The following KCNH7 variants were observed in gnomAD, a reference collection of about 807,000 sequenced individuals.
The protein encoded by KCNH7 is voltage-gated inwardly rectifying potassium channel KCNH7.
A neutral mutation model predicts 120.8 loss-of-function variants in KCNH7; 49 were observed. The observed-to-expected ratio is 0.41, with a 90% CI of 0.32 to 0.51. The LOEUF (loss-of-function observed/expected upper bound fraction) is 0.51. Ranked by LOEUF, KCNH7 falls within the 20% of genes least tolerant of loss-of-function variation. The pLI is 0.38. For missense variants in KCNH7, 1,097 were observed against 1,446.6 expected (o/e 0.76, Z 3.92); for synonymous variants, 547 against 516.1 (o/e 1.06, Z -0.81).
At chr2:162,688,732 C>CTTTTTTTTTTTTTTTTT (rs71410027) in intron 2 of KCNH7, among the ~76,000 whole-genome samples, 3 of 137,792 alleles carry the variant, frequency 2.2e-5, no homozygotes, top group Non-Finnish European at 3.2e-5. Flanking sequence ...TGCCCCCATT[C>CTTTTTTTTTTTTTTTTT]TTTTTTTTTT....
rs573002018 is a variant in KCNH7, at chr2:162,660,955, TAAC to T, written c.308-123878_308-123876del. ...CTATACCACGCTTCCCAGTGATTGT[TAAC>T]AACAAGTTCTGTACAATAAGATAGC... On this transcript the variant is annotated intron_variant, in intron 2 of 15. Coordinates refer to ENST00000332142, the MANE Select transcript of KCNH7 (RefSeq NM_033272.4). Among the ~76,000 whole-genome samples, 73 of 152,336 alleles carry T rather than the reference TAAC, an allele frequency of 4.8e-4. 1 individual carries two copies. The highest frequency in any genetic ancestry group is 4.2e-3 in the East Asian group (22 of 5,184).
intron 2 of KCNH7, among the ~76,000 whole-genome samples, chr2:162,807,268 A>AC (rs1310650719): frequency 4.3e-5 from 6 of 138,212 alleles, no homozygotes; most frequent in South Asian, 2.9e-4. Context: ...AAAAAAAAAA[A>AC]AAAAAAAAAA....
intron 2 of KCNH7, among the ~76,000 whole-genome samples, chr2:162,835,868 C>G (rs1333318813): frequency 1.3e-5 from 2 of 152,082 alleles, no homozygotes; most frequent in Non-Finnish European, 2.9e-5. Flanking sequence ...GTTTAAGATG[C>G]CAGATTTGCT....
chr2:162,423,247 T>C (rs1368866406), intron 9 of KCNH7, 89 bp downstream of exon 9: 23 of 1,605,074 alleles, frequency 1.4e-5, no homozygotes, highest in Non-Finnish European at 2.0e-5. Flanking sequence ...AAGCAAGGGG[T>C]TCAAAGCTGG....
chr2:162,465,029 T>C lies in KCNH7; in HGVS notation c.1129-18586A>G, dbSNP rs142922873. Among the ~76,000 whole-genome samples the C allele has an allele frequency of 2.0e-3, 297 of 152,236 alleles. 1 individual carries two copies. The highest frequency in any genetic ancestry group is 6.7e-3 in the African/African-American group (277 of 41,558). The stretch of plus-strand genomic sequence containing the variant: ...ATCATTTCATAAAAGAATATGGAGA[T>C]AAAACATCAGAAAGGGGAAAGTCTA... On this transcript the variant is annotated intron_variant, in intron 6 of 15. Transcript: ENST00000332142.
intron 3 of KCNH7, among the ~76,000 whole-genome samples, chr2:162,519,466 T>C (rs1004556565): frequency 6.6e-6 from 1 of 151,886 alleles, no homozygotes; most frequent in Non-Finnish European, 1.5e-5. Context: ...AAACTTTTAA[T>C]GTTGACTAGC....
At chr2:162,607,140 G>A (rs1419704150) in intron 2 of KCNH7, among the ~76,000 whole-genome samples, 1 of 151,412 alleles carries the variant, frequency 6.6e-6, no homozygotes, top group East Asian at 1.9e-4. Flanking sequence ...ACTCTGGGAG[G>A]CCGAGGAGGG....
chr2:162,826,260 G>A (rs907921719), intron 2 of KCNH7, among the ~76,000 whole-genome samples: 2 of 152,236 alleles, frequency 1.3e-5, no homozygotes, highest in South Asian at 2.1e-4. Flanking sequence ...TTTGTCATGT[G>A]TATTTAACTG....
chr2:162,820,762 T>C (rs935430768), intron 2 of KCNH7, among the ~76,000 whole-genome samples: 1 of 152,196 alleles, frequency 6.6e-6, no homozygotes, highest in Admixed American at 6.5e-5. Flanking sequence ...GCTATATCAC[T>C]TTCCTTTAAC....
chr2:162,664,603 A>T (rs1368583893), intron 2 of KCNH7, among the ~76,000 whole-genome samples: 1 of 152,158 alleles, frequency 6.6e-6, no homozygotes, highest in Non-Finnish European at 1.5e-5. Flanking sequence ...CTTGGTGAGA[A>T]GAGGAAGGAG....
At chr2:162,668,534 C>A (rs1037362545) in intron 2 of KCNH7, among the ~76,000 whole-genome samples, 1 of 152,092 alleles carries the variant, frequency 6.6e-6, no homozygotes, top group East Asian at 1.9e-4. Context: ...ATGCCAAATA[C>A]AGAACAAAAG....
chr2:162,384,656 G>A (rs1326900988), intron 13 of KCNH7, 32 bp downstream of exon 13: 2 of 1,606,202 alleles, frequency 1.2e-6, no homozygotes, highest in Non-Finnish European at 1.7e-6. Flanking sequence ...TAGCACTGAA[G>A]AGAGACCACC....
chr2:162,460,222 G>A (rs1250931519), intron 6 of KCNH7, among the ~76,000 whole-genome samples: 1 of 152,004 alleles, frequency 6.6e-6, no homozygotes, highest in African/African-American at 2.4e-5. Context: ...TGGGAGGAAT[G>A]CTTCTGTGGG....
intron 6 of KCNH7, 146 bp downstream of exon 6, chr2:162,504,297 G>C: frequency 1.6e-6 from 1 of 635,028 alleles, no homozygotes; most frequent in Non-Finnish European, 2.8e-6. Context: ...ATATTAGAGA[G>C]TTACCCAACA....
intron 8 of KCNH7, among the ~76,000 whole-genome samples, chr2:162,432,716 G>GA (rs1301649543): frequency 6.6e-6 from 1 of 151,978 alleles, no homozygotes. Context: ...TCATGAATGG[G>GA]AAAAAACTGG....
rs11900789 is a variant in KCNH7, at chr2:162,409,116, G to T, written c.2155-8675C>A. On this transcript the variant is annotated intron_variant, in intron 9 of 15. Transcript: ENST00000332142. ...AATGCTGAAAATGAAAAGAACAGTA[G>T]CAAGCTAGCTTAAATACATCTAAGG... Among the ~76,000 whole-genome samples the T allele has an allele frequency of 6.9e-3, 1,041 of 151,702 alleles. 8 individuals carry two copies. The highest frequency in any genetic ancestry group is 0.024 in the African/African-American group (1,002 of 41,472).
intron 9 of KCNH7, among the ~76,000 whole-genome samples, chr2:162,403,880 A>G (rs1363370788): frequency 6.6e-6 from 1 of 151,994 alleles, no homozygotes; most frequent in Non-Finnish European, 1.5e-5. Flanking sequence ...GAGAGTTAAG[A>G]GTGGGAGCTA....
Position 162,569,408 on chromosome 2 carries a change from A to T in KCNH7, c.308-32328T>A, listed in dbSNP as rs1303566920. ...TATCATTTTTTATTGCGTCTATTTG[A>T]TTCTTCTCTCTTTTTTTCTTTATTA... On this transcript the variant is annotated intron_variant, in intron 2 of 15. Coordinates refer to ENST00000332142, the MANE Select transcript of KCNH7 (RefSeq NM_033272.4). Among the ~76,000 whole-genome samples, 3 of 147,952 alleles carry T rather than the reference A, an allele frequency of 2.0e-5. No individual in the cohort carries two copies. The East Asian group carries it at 6.0e-4, about 30-fold the overall frequency.
chr2:162,429,979 G>T (rs1287624522), intron 8 of KCNH7, among the ~76,000 whole-genome samples: 1 of 149,402 alleles, frequency 6.7e-6, no homozygotes, highest in Non-Finnish European at 1.5e-5. Context: ...TCTTATAATA[G>T]CTCTTAAATT....
Sources: gnomAD v4.1 joint callset for allele counts (sites outside exome capture counted in the v4.1 genomes callset) on GRCh38, gnomAD v4.1.1 for gene constraint, MANE v1.5 for transcripts, NCBI Gene and HGNC (gene_info 2026-07-23, HGNC 2026-07-21) for gene names.